Variants in RGMA observed in about 807,000 individuals in gnomAD.
The protein encoded by RGMA is repulsive guidance molecule BMP co-receptor a, also known as repulsive guidance molecule A.
RGMA carries 10 observed loss-of-function variants against 23.2 expected under a neutral mutation model. That is an observed-to-expected ratio of 0.43 (90% CI 0.27 to 0.73). The LOEUF (loss-of-function observed/expected upper bound fraction) is 0.73. RGMA is among the 30% of genes least tolerant of loss of function. The pLI, the probability that RGMA is intolerant of heterozygous loss-of-function variation, is 0.20. For missense variants in RGMA, 547 were observed against 630.5 expected (o/e 0.87, Z 1.42); for synonymous variants, 308 against 279.3 (o/e 1.10, Z -1.03).
At chr15:93,078,925 T>C (rs1895515682) in intron 1 of RGMA, among the ~76,000 whole-genome samples, 1 of 152,250 alleles carries the variant, frequency 6.6e-6, no homozygotes, top group African/African-American at 2.4e-5. Flanking sequence ...AAAGTCCATT[T>C]TCCTGTAATT....
rs1057279995 is a variant in RGMA at position 93,035,643 on chromosome 15, AACACGG to A, written c.*9349_*9354del. ...GCTAAAACCGAACAATCCAGAGACA[AACACGG>A]AAGCCCAAAGCCCAGGCCTAACTGG... On this transcript the variant is annotated 3_prime_UTR_variant, in exon 4 of 4. Transcript: ENST00000329082. 2.0e-5 allele frequency: 3 copies of A among 152,234 alleles called. No individual in the cohort carries two copies. Among genetic ancestry groups the A allele is most frequent in the African/African-American group, 7.2e-5 (3 of 41,438 alleles). The allele number at this position is 152,234 out of a possible 1,614,324, so 9.4% of individuals were successfully genotyped here. A position where few individuals can be genotyped will look rare whatever the true frequency, so the allele number is the denominator to read the frequency against.
intron 2 of RGMA, among the ~76,000 whole-genome samples, chr15:93,067,702 C>T (rs552721301): frequency 2.6e-5 from 4 of 151,960 alleles, no homozygotes; most frequent in Admixed American, 6.6e-5. Flanking sequence ...AAGGGGTGAC[C>T]CAGGGCTTGG....
chr15:93,048,527 G>A (rs147539156), intron 3 of RGMA, among the ~76,000 whole-genome samples: 3 of 152,188 alleles, frequency 2.0e-5, no homozygotes, highest in East Asian at 1.9e-4. Context: ...GACCGGACTC[G>A]ATTTCCTCGC....
intron 2 of RGMA, among the ~76,000 whole-genome samples, chr15:93,058,702 G>C (rs192714578): frequency 6.6e-6 from 1 of 151,726 alleles, no homozygotes; most frequent in East Asian, 2.0e-4. Flanking sequence ...TACCCTGAAG[G>C]GGGCAAGGTG....
intron 1 of RGMA, among the ~76,000 whole-genome samples, chr15:93,075,449 T>G (rs556973658): frequency 1.2e-4 from 18 of 152,130 alleles, no homozygotes; most frequent in Non-Finnish European, 2.4e-4. Flanking sequence ...TACAGACACA[T>G]TGGGATATAT....
intron 1 of RGMA, among the ~76,000 whole-genome samples, chr15:93,075,120 C>A (rs1218356487): frequency 6.5e-5 from 9 of 137,930 alleles, no homozygotes; most frequent in Admixed American, 7.3e-5. Flanking sequence ...TCAATGAGAA[C>A]AGAAAAAAGA....
chr15:93,080,193 A>T (rs1895536398), intron 1 of RGMA, among the ~76,000 whole-genome samples: 1 of 152,112 alleles, frequency 6.6e-6, no homozygotes, highest in South Asian at 2.1e-4. Context: ...CAAAATTTTA[A>T]TGGGTTTTTA....
intron 2 of RGMA, chr15:93,065,533 G>GA: frequency 1.5e-6 from 1 of 657,300 alleles, no homozygotes; most frequent in Non-Finnish European, 2.9e-6. Context: ...AGGTCAGTTG[G>GA]AAAAACTGGC....
At chr15:93,051,884 C>T (rs988666758) in intron 3 of RGMA, 109 bp downstream of exon 3, 5 of 1,195,200 alleles carry the variant, frequency 4.2e-6, no homozygotes, top group Non-Finnish European at 4.6e-6. Context: ...CCGCTCCGCT[C>T]CGTCTTCCCC....
rs769596462 is a variant in RGMA at position 93,044,966 on chromosome 15, C to T, written c.*32G>A. Reference sequence around the variant, plus strand: ...CCCACACATGGGGAAGCCGAGAGGACGGAGCCCGCGCCTCCCTCCACATCT... The same window carrying T: ...CCCACACATGGGGAAGCCGAGAGGATGGAGCCCGCGCCTCCCTCCACATCT... On this transcript the variant is annotated 3_prime_UTR_variant, in exon 4 of 4. Coordinates refer to ENST00000329082, the MANE Select transcript of RGMA (RefSeq NM_020211.3). 1.2e-4 allele frequency: 180 copies of T among 1,523,466 alleles called. No homozygotes were observed. The highest frequency in any genetic ancestry group is 4.6e-4 in the Middle Eastern group (2 of 4,306). The allele number at this position is 1,523,466 out of a possible 1,614,324, so 94.4% of individuals were successfully genotyped here.
intron 1 of RGMA, among the ~76,000 whole-genome samples, chr15:93,087,171 G>A (rs932773348): frequency 6.6e-6 from 1 of 152,142 alleles, no homozygotes; most frequent in Non-Finnish European, 1.5e-5. Context: ...GTCTCAAGGG[G>A]GTACTACAGT....
At chr15:93,054,374 C>A (rs1457622073) in intron 2 of RGMA, among the ~76,000 whole-genome samples, 1 of 152,084 alleles carries the variant, frequency 6.6e-6, no homozygotes, top group Non-Finnish European at 1.5e-5. Flanking sequence ...GGCTGTGTCC[C>A]CACCCAAATC....
At chr15:93,059,597 A>ATG (rs1030195626) in intron 2 of RGMA, among the ~76,000 whole-genome samples, 3 of 152,068 alleles carry the variant, frequency 2.0e-5, no homozygotes, top group African/African-American at 7.2e-5. Flanking sequence ...GGTCCCAGAA[A>ATG]TGTGTGTGTG....
chr15:93,053,503 T>G (rs879890064), intron 2 of RGMA, among the ~76,000 whole-genome samples: 7 of 152,190 alleles, frequency 4.6e-5, no homozygotes, highest in Non-Finnish European at 8.8e-5. Context: ...GCCTCAGCAC[T>G]CTTGTCTGGG....
At chr15:93,082,797 G>A (rs1895579459) in intron 1 of RGMA, among the ~76,000 whole-genome samples, 1 of 152,220 alleles carries the variant, frequency 6.6e-6, no homozygotes. Flanking sequence ...TGGATGGTAA[G>A]TGACATTCTG....
rs7183343 is a variant in RGMA at position 93,044,436 on chromosome 15, G to C, written c.*562C>G. 66 of 156,192 alleles carry C rather than the reference G, an allele frequency of 4.2e-4. No homozygotes were observed. In the South Asian group the frequency reaches 0.012, roughly 29 times the overall value. The allele number at this position is 156,192 out of a possible 1,614,324, so 9.7% of individuals were successfully genotyped here. On this transcript the variant is annotated 3_prime_UTR_variant, in exon 4 of 4. Coordinates refer to ENST00000329082, the MANE Select transcript of RGMA (RefSeq NM_020211.3). ...GCGGGCACGACCTACTGGCCAAAAG[G>C]TTCCAGCAGTCTGCTAAGGTGCCAA...
At chr15:93,069,406 G>A (rs904840482) in intron 2 of RGMA, among the ~76,000 whole-genome samples, 1 of 152,182 alleles carries the variant, frequency 6.6e-6, no homozygotes, top group African/African-American at 2.4e-5. Context: ...CACCGCGCCT[G>A]GCCGATGCAT....
intron 2 of RGMA, chr15:93,065,662 G>C: frequency 9.5e-7 from 1 of 1,054,140 alleles, no homozygotes; most frequent in Non-Finnish European, 1.4e-6. Flanking sequence ...GCCGGGGGCC[G>C]GGGCCTGCTG....
intron 2 of RGMA, chr15:93,065,771 C>G (rs1434305454): frequency 1.8e-6 from 2 of 1,120,196 alleles, no homozygotes; most frequent in Non-Finnish European, 2.7e-6. Context: ...CCGTCCCCAC[C>G]TTCCGTGGTA....
Sources: allele counts gnomAD v4.1 joint callset (sites outside exome capture counted in the v4.1 genomes callset), GRCh38; gene constraint gnomAD v4.1.1; transcripts MANE v1.5; gene names NCBI Gene and HGNC (gene_info 2026-07-23, HGNC 2026-07-21).